MTMR1: variants seen among roughly 807,000 people sequenced by gnomAD.
MTMR1 encodes the protein myotubularin related protein 1.
MTMR1 carries 17 observed loss-of-function variants against 51.6 expected under a neutral mutation model. The ratio of observed to expected loss-of-function variants is 0.33; its 90% CI spans 0.23 to 0.49. The LOEUF (loss-of-function observed/expected upper bound fraction) is 0.49. Ranked by LOEUF, MTMR1 falls within the 20% of genes least tolerant of loss-of-function variation. The pLI, the probability that MTMR1 is intolerant of heterozygous loss-of-function variation, is 0.99. For missense variants in MTMR1, 386 were observed against 526.9 expected (o/e 0.73, Z 2.62); for synonymous variants, 201 against 205.6 (o/e 0.98, Z 0.19).
At chrX:150,758,289 T>C (rs1157046180) in intron 15 of MTMR1, among the ~76,000 whole-genome samples, 1 of 110,974 alleles carries the variant, frequency 9.0e-6, no homozygotes, top group African/African-American at 3.3e-5. Flanking sequence ...CTCTGGGATA[T>C]TGGGACAGCT....
intron 12 of MTMR1, among the ~76,000 whole-genome samples, chrX:150,741,901 C>T (rs1231764113): frequency 8.9e-6 from 1 of 112,441 alleles, no homozygotes; most frequent in Non-Finnish European, 1.9e-5. Flanking sequence ...GGCGGATACT[C>T]AGAAAATTAA....
intron 14 of MTMR1, among the ~76,000 whole-genome samples, chrX:150,753,456 C>T (rs2042812086): frequency 8.9e-6 from 1 of 112,382 alleles, no homozygotes; most frequent in South Asian, 3.7e-4. Flanking sequence ...CTTCCAATTT[C>T]TCCACATTTC....
At position 150,764,944 on chromosome X, in the gene MTMR1, G is replaced by GA. The variant is rs781870074; in HGVS notation, c.*2215_*2216insA. On this transcript the variant is annotated 3_prime_UTR_variant, in exon 16 of 16. Transcript: ENST00000445323. ...ATGTTTGCTCCCTGGTCTTTTTTAAGTAAGTAAGTAAGTATCTTAGTAGAT... is the reference window on the plus strand; with the variant it reads ...ATGTTTGCTCCCTGGTCTTTTTTAAGATAAGTAAGTAAGTATCTTAGTAGAT... 3 of 111,899 alleles carry GA rather than the reference G, an allele frequency of 2.7e-5. No homozygotes were observed. The highest frequency in any genetic ancestry group is 3.8e-5 in the Non-Finnish European group (2 of 53,233). 9.2% of individuals were successfully genotyped at this position (111,899 alleles called of 1,213,427 possible).
intron 15 of MTMR1, 76 bp from the exon 16 acceptor site, chrX:150,762,489 C>CCAA: frequency 8.6e-7 from 1 of 1,163,973 alleles, no homozygotes; most frequent in Non-Finnish European, 1.2e-6. Context: ...GCTCCTGAAG[C>CCAA]CAACAGCATC....
chrX:150,700,365 G>A (rs1557415895), intron 2 of MTMR1, among the ~76,000 whole-genome samples: 1 of 112,439 alleles, frequency 8.9e-6, no homozygotes, highest in African/African-American at 3.2e-5. Flanking sequence ...TTTGGCTATG[G>A]TGCTGTCTCT....
chrX:150,755,723 A>C lies in MTMR1; in HGVS notation c.1715A>C (p.Tyr572Ser). 3.3e-6 allele frequency: 4 copies of C among 1,203,552 alleles called. No individual in the cohort carries two copies. Among genetic ancestry groups the C allele is most frequent in the Non-Finnish European group, 4.5e-6 (4 of 892,156 alleles). Residue 572 changes from tyrosine (Y) to serine (S), a missense_variant, in exon 15 of 16, where the codon TAT becomes TCT. Physicochemically the swap from Tyr to Ser is moderately radical, Grantham distance 144. Coordinates refer to ENST00000445323, the MANE Select transcript of MTMR1 (RefSeq NM_001306144.3). ...ACAAAGACGATATCTTTATGGTCGT[A>C]TATCAATAGCCAGCTAGACGAGTTT... ...VYTKTISLWSYINSQLDEFSN... is the reference protein window; with the variant it reads ...VYTKTISLWSSINSQLDEFSN...
chrX:150,728,557 T>A (rs2042013251), intron 6 of MTMR1, among the ~76,000 whole-genome samples: 1 of 112,248 alleles, frequency 8.9e-6, no homozygotes, highest in Non-Finnish European at 1.9e-5. Flanking sequence ...GGAATTTTTA[T>A]GTTGAGCTGG....
chrX:150,744,339 T>A, intron 12 of MTMR1, 22 bp from the exon 13 acceptor site: 1 of 1,185,364 alleles, frequency 8.4e-7, no homozygotes, highest in Non-Finnish European at 1.1e-6. Flanking sequence ...GTTAAAACGT[T>A]TAACCTTCTG....
At chrX:150,708,237 T>C (rs2041182017) in intron 2 of MTMR1, among the ~76,000 whole-genome samples, 1 of 111,963 alleles carries the variant, frequency 8.9e-6, no homozygotes, top group South Asian at 3.7e-4. Context: ...GGGTGACTGG[T>C]ACATGGAATC....
At chrX:150,748,628 G>A (rs1245149015) in intron 13 of MTMR1, among the ~76,000 whole-genome samples, 2 of 107,745 alleles carry the variant, frequency 1.9e-5, no homozygotes, top group African/African-American at 6.8e-5. Context: ...GACCAGCCTA[G>A]GTAACATAGG....
chrX:150,696,055 C>G (rs1461616950), intron 1 of MTMR1, among the ~76,000 whole-genome samples: 1 of 111,502 alleles, frequency 9.0e-6, no homozygotes, highest in Non-Finnish European at 1.9e-5. Context: ...GGCTGAGCGG[C>G]TGATGCTGGT....
At chrX:150,698,746 T>TG (rs2040797118) in intron 1 of MTMR1, among the ~76,000 whole-genome samples, 2 of 107,293 alleles carry the variant, frequency 1.9e-5, no homozygotes, top group Non-Finnish European at 1.9e-5. Flanking sequence ...CCTGGTGGCA[T>TG]GTGCCTGTAG....
upstream of MTMR1, chrX:150,693,357 C>A: frequency 4.8e-6 from 3 of 621,157 alleles, no homozygotes; most frequent in Non-Finnish European, 5.8e-6. Flanking sequence ...CCCCGACCCC[C>A]GCGCGCGCGG....
rs781885736 is a variant in MTMR1, at chrX:150,726,338, C to A, written c.353-877C>A. 4.5e-5 allele frequency among the ~76,000 whole-genome samples: 5 copies of A among 111,690 alleles called. No homozygotes were observed. The East Asian group carries it at 1.1e-3, about 25-fold the overall frequency. ...AACAGTTGTCTTCCATGAAACCAGTCCCTGGTGCCGAAAAGGTTGGGGACC... is the reference window on the plus strand; with the variant it reads ...AACAGTTGTCTTCCATGAAACCAGTACCTGGTGCCGAAAAGGTTGGGGACC... On this transcript the variant is annotated intron_variant, in intron 4 of 15. Coordinates refer to ENST00000445323, the MANE Select transcript of MTMR1 (RefSeq NM_001306144.3).
chrX:150,708,499 CTATT>C (rs1206669352), intron 2 of MTMR1, among the ~76,000 whole-genome samples: 20 of 110,515 alleles, frequency 1.8e-4, no homozygotes, highest in Middle Eastern at 4.7e-3. Flanking sequence ...ATATATATAA[CTATT>C]TAACAACTGA....
At chrX:150,705,762 A>G (rs1455631060) in intron 2 of MTMR1, among the ~76,000 whole-genome samples, 4 of 112,054 alleles carry the variant, frequency 3.6e-5, no homozygotes, top group African/African-American at 1.3e-4. Flanking sequence ...AGACCCCAGG[A>G]AGGAAGAAAG....
chrX:150,712,507 G>C, intron 3 of MTMR1, 142 bp downstream of exon 3: 1 of 549,345 alleles, frequency 1.8e-6, no homozygotes, highest in Non-Finnish European at 2.9e-6. Flanking sequence ...CTGTGTTATA[G>C]CTTTCAGTGT....
chrX:150,705,746 A>G (rs184022624), intron 2 of MTMR1, among the ~76,000 whole-genome samples: 48 of 112,145 alleles, frequency 4.3e-4, no homozygotes, highest in African/African-American at 1.5e-3. Flanking sequence ...AAAAGGAGGA[A>G]TCCTGAGACC....
chrX:150,710,079 G>A (rs1603238184), intron 2 of MTMR1, among the ~76,000 whole-genome samples: 1 of 112,194 alleles, frequency 8.9e-6, no homozygotes, highest in South Asian at 3.7e-4. Flanking sequence ...AGGGTTAGTG[G>A]TATTGATTTC....
Sources: gnomAD v4.1 joint callset for allele counts (sites outside exome capture counted in the v4.1 genomes callset) on GRCh38, gnomAD v4.1.1 for gene constraint, MANE v1.5 for transcripts, NCBI Gene and HGNC (gene_info 2026-07-23, HGNC 2026-07-21) for gene names.